Variants in GRM8 observed in about 807,000 individuals in gnomAD.
The protein encoded by GRM8 is metabotropic glutamate receptor 8.
A neutral mutation model predicts 87.2 loss-of-function variants in GRM8; 47 were observed. The observed-to-expected ratio is 0.54, with a 90% CI of 0.43 to 0.69. GRM8 has a LOEUF of 0.69. Ranked by LOEUF, GRM8 falls within the 30% of genes least tolerant of loss-of-function variation. GRM8 has a pLI of 0.00. For missense variants in GRM8, 1,019 were observed against 1,139.2 expected (o/e 0.89, Z 1.52); for synonymous variants, 396 against 404.5 (o/e 0.98, Z 0.25).
chr7:126,797,512 T>C (rs531190752), intron 6 of GRM8, among the ~76,000 whole-genome samples: 252 of 152,254 alleles, frequency 1.7e-3, no homozygotes, highest in Non-Finnish European at 2.8e-3. Context: ...CCATGCTCCA[T>C]GGTCCATGAA....
intron 3 of GRM8, among the ~76,000 whole-genome samples, chr7:126,940,893 T>A (rs6950713): frequency 0.32 from 48,385 of 152,042 alleles, 7,755 homozygotes; most frequent in Non-Finnish European, 0.35. Flanking sequence ...GCAATGCAGA[T>A]GACATTGTCG....
chr7:126,942,234 G>C (rs1323959991), intron 3 of GRM8, among the ~76,000 whole-genome samples: 1 of 152,160 alleles, frequency 6.6e-6, no homozygotes, highest in African/African-American at 2.4e-5. Flanking sequence ...TTTTTTAAGT[G>C]TCAAAACTGC....
In GRM8 at chr7:127,127,968, G is replaced by A. The variant is rs76558867; in HGVS notation, c.511-21256C>T. ...ATTCTGTTTACCTTCAAAATATCTC[G>A]GCGTCTTGACATATCTTATCTCCAC... On this transcript the variant is annotated intron_variant, in intron 2 of 10. Transcript: ENST00000339582. Among the ~76,000 whole-genome samples, 74 of 151,878 alleles carry A rather than the reference G, an allele frequency of 4.9e-4. 1 individual carries two copies. The highest frequency in any genetic ancestry group is 1.6e-3 in the African/African-American group (67 of 41,440).
intron 7 of GRM8, among the ~76,000 whole-genome samples, chr7:126,762,144 G>GA (rs1433223737): frequency 6.6e-6 from 1 of 151,460 alleles, no homozygotes; most frequent in Non-Finnish European, 1.5e-5. Context: ...CCTTAGAAGA[G>GA]AATCAATAAA....
At position 126,803,823 on chromosome 7, in the gene GRM8, A is replaced by G. The variant is rs117739730; in HGVS notation, c.1157-33758T>C. ...TCGTTAAACCTAACTGTCTTGCTCTATAACATAGTGTTAAGGATACACCTG... is the reference window on the plus strand; with the variant it reads ...TCGTTAAACCTAACTGTCTTGCTCTGTAACATAGTGTTAAGGATACACCTG... On this transcript the variant is annotated intron_variant, in intron 6 of 10. Transcript: ENST00000339582. 6.7e-3 allele frequency among the ~76,000 whole-genome samples: 1,015 copies of G among 152,344 alleles called. 4 individuals are homozygous for G. Among genetic ancestry groups the G allele is most frequent in the Non-Finnish European group, 0.01 (691 of 68,032 alleles).
rs1325684238 is a variant in GRM8 at position 127,106,443 on chromosome 7, GCA to G, written c.727+51_727+52del. ...TAAGAGAGCACTTGGAGATGCTCAG[GCA>G]TCAGCAATCTGTCACCTCCAAATAC... is the stretch of plus-strand genomic sequence containing the variant. On this transcript the variant is annotated intron_variant, in intron 3 of 10. Coordinates refer to ENST00000339582, the MANE Select transcript of GRM8 (RefSeq NM_000845.3). 32 of 1,382,324 alleles carry G rather than the reference GCA, an allele frequency of 2.3e-5. No individual in the cohort carries two copies. In the East Asian group the frequency reaches 7.1e-4, roughly 31 times the overall value. 85.6% of individuals were successfully genotyped at this position (1,382,324 alleles called of 1,614,324 possible).
intron 3 of GRM8, among the ~76,000 whole-genome samples, chr7:126,910,926 C>G (rs1803220098): frequency 6.6e-6 from 1 of 152,126 alleles, no homozygotes; most frequent in African/African-American, 2.4e-5. Context: ...TGAAAAGTCT[C>G]TCATCTCTCA....
chr7:126,535,245 C>G (rs970586040), intron 8 of GRM8, among the ~76,000 whole-genome samples: 2 of 152,126 alleles, frequency 1.3e-5, no homozygotes, highest in Non-Finnish European at 2.9e-5. Context: ...TAGTATATTC[C>G]AGAAATGATG....
At chr7:126,842,874 C>A (rs528773988) in intron 6 of GRM8, among the ~76,000 whole-genome samples, 3 of 152,172 alleles carry the variant, frequency 2.0e-5, no homozygotes, top group Non-Finnish European at 4.4e-5. Context: ...TTTCAAACCT[C>A]TAAACTCCGG....
At chr7:126,963,640 A>G (rs1809538291) in intron 3 of GRM8, among the ~76,000 whole-genome samples, 1 of 152,032 alleles carries the variant, frequency 6.6e-6, no homozygotes, top group Non-Finnish European at 1.5e-5. Context: ...TCAAGGAGAA[A>G]AACCAATGCT....
At chr7:126,440,152 G>A (rs1445058549) in intron 10 of GRM8, among the ~76,000 whole-genome samples, 42 of 151,724 alleles carry the variant, frequency 2.8e-4, no homozygotes, top group Admixed American at 2.3e-3. Flanking sequence ...AGAGACTCAC[G>A]TCTGTAATCC....
rs534144406 is a variant in GRM8 at position 127,042,568 on chromosome 7, A to G, written c.727+63928T>C. Among the ~76,000 whole-genome samples, 26 of 152,378 alleles carry G rather than the reference A, an allele frequency of 1.7e-4. No individual in the cohort carries two copies. The East Asian group carries it at 4.8e-3, about 28-fold the overall frequency. On this transcript the variant is annotated intron_variant, in intron 3 of 10. Transcript: ENST00000339582. ...GAAAACTGGCTAGCCATATGTAGAA[A>G]GCTGAAACTGGATCCCTTCCTTACA...
At chr7:126,530,327 A>G (rs963049224) in intron 9 of GRM8, among the ~76,000 whole-genome samples, 2 of 152,262 alleles carry the variant, frequency 1.3e-5, no homozygotes, top group African/African-American at 4.8e-5. Context: ...GGTGTCACCA[A>G]TGCACAGCTG....
At chr7:127,124,623 T>C (rs558947099) in intron 2 of GRM8, among the ~76,000 whole-genome samples, 10 of 152,256 alleles carry the variant, frequency 6.6e-5, no homozygotes, top group African/African-American at 2.4e-4. Flanking sequence ...ATCTCTGAAA[T>C]AGTCAACTCA....
At chr7:127,165,193 TTCAG>T (rs1793379540) in intron 2 of GRM8, among the ~76,000 whole-genome samples, 1 of 109,400 alleles carries the variant, frequency 9.1e-6, no homozygotes, top group Non-Finnish European at 1.9e-5. Context: ...TATATATATA[TTCAG>T]GTTTCAACTA....
intron 6 of GRM8, among the ~76,000 whole-genome samples, chr7:126,864,213 C>T (rs1323647966): frequency 2.0e-5 from 3 of 152,090 alleles, no homozygotes; most frequent in African/African-American, 7.2e-5. Flanking sequence ...CATTCCTATC[C>T]ATTTCACAGT....
At chr7:127,184,530 T>G (rs1263431130) in intron 2 of GRM8, among the ~76,000 whole-genome samples, 2 of 151,922 alleles carry the variant, frequency 1.3e-5, no homozygotes, top group Admixed American at 6.6e-5. Context: ...TACAAAACAC[T>G]TCCTTACTTA....
chr7:126,670,324 G>C (rs1352110195), intron 7 of GRM8, among the ~76,000 whole-genome samples: 2 of 152,068 alleles, frequency 1.3e-5, no homozygotes, highest in Non-Finnish European at 2.9e-5. Context: ...AGGTATATGA[G>C]ATTGCCAAAA....
At chr7:126,976,609 AC>A (rs200211597) in intron 3 of GRM8, among the ~76,000 whole-genome samples, 1 of 152,158 alleles carries the variant, frequency 6.6e-6, no homozygotes, top group Admixed American at 6.5e-5. Context: ...AACAACAACA[AC>A]AAAAAAAACG....
Sources: allele counts gnomAD v4.1 joint callset (sites outside exome capture counted in the v4.1 genomes callset), GRCh38; gene constraint gnomAD v4.1.1; transcripts MANE v1.5; gene names NCBI Gene and HGNC (gene_info 2026-07-23, HGNC 2026-07-21).